The following BRD4 variants were observed in gnomAD, a reference collection of about 807,000 sequenced individuals.
The protein encoded by BRD4 is bromodomain containing 4.
A neutral mutation model predicts 142.1 loss-of-function variants in BRD4; 16 were observed. The observed-to-expected ratio is 0.11, with a 90% CI of 0.08 to 0.17. The LOEUF (loss-of-function observed/expected upper bound fraction) is 0.17. BRD4 is among the 10% of genes least tolerant of loss of function. The probability of loss-of-function intolerance (pLI) is 1.00; values close to 1 mark genes in which losing one functional copy is unlikely to be tolerated. For synonymous variants in BRD4, 833 were observed against 707.5 expected (o/e 1.18, Z -2.82); for missense variants, 1,424 against 1,810.9 (o/e 0.79, Z 3.88).
rs1446000173 is a variant in BRD4 at position 15,273,141 on chromosome 19, G to A, written c.-34-8C>T. ...CATTCTTCACCAGGCACTCTACAAA[G>A]GAAGAGAAGAGCCCCCGTGAGATAT... On this transcript the variant is annotated splice_region_variant and splice_polypyrimidine_tract_variant and intron_variant, in intron 1 of 19. Transcript: ENST00000679869. The A allele has an allele frequency of 6.5e-7, 1 of 1,540,908 alleles. No homozygotes were observed. Among genetic ancestry groups the A allele is most frequent in the East Asian group, 2.3e-5 (1 of 44,226 alleles).
intron 1 of BRD4, among the ~76,000 whole-genome samples, chr19:15,273,435 C>A (rs191349942): frequency 6.6e-6 from 1 of 152,336 alleles, no homozygotes; most frequent in East Asian, 1.9e-4. Context: ...GAAGGATGTA[C>A]AATGAAGCCA....
At chr19:15,311,600 G>A (rs1191569900) in intron 1 of BRD4, among the ~76,000 whole-genome samples, 4 of 151,672 alleles carry the variant, frequency 2.6e-5, no homozygotes, top group Non-Finnish European at 5.9e-5. Context: ...AGACCAACCT[G>A]GCCAACATGA....
intron 1 of BRD4, among the ~76,000 whole-genome samples, chr19:15,299,543 G>C (rs2047851103): frequency 6.6e-6 from 1 of 152,146 alleles, no homozygotes; most frequent in Non-Finnish European, 1.5e-5. Context: ...GCCAAGCCCA[G>C]CTAAGAAGCT....
chr19:15,259,670 G>A (rs1427648267), intron 7 of BRD4, among the ~76,000 whole-genome samples: 2 of 152,176 alleles, frequency 1.3e-5, no homozygotes, highest in Non-Finnish European at 2.9e-5. Flanking sequence ...AAACCCACAA[G>A]CCAGTGGGCC....
At chr19:15,268,752 G>C (rs1371337617) in intron 3 of BRD4, among the ~76,000 whole-genome samples, 153 bp downstream of exon 3, 1 of 151,894 alleles carries the variant, frequency 6.6e-6, no homozygotes, top group African/African-American at 2.4e-5. Flanking sequence ...ACAACCACAG[G>C]TCTCATTACC....
At position 15,272,968 on chromosome 19, in the gene BRD4, G is replaced by A. The variant is rs1374827173; in HGVS notation, c.132C>T (p.Asn44=). 13 of 1,614,072 alleles carry A rather than the reference G, an allele frequency of 8.1e-6. No homozygotes were observed. The highest frequency in any genetic ancestry group is 2.2e-5 in the East Asian group (1 of 44,898). The change falls in exon 2 of 20, where the codon AAC becomes AAT. Residue 44 remains asparagine, a synonymous_variant. Transcript: ENST00000679869. ...GGTTGGAGGTCTCTGGGGGCGGGGG[G>A]TTGGTGCTGGCTGCGTTGGCTGGCT... The part of the protein sequence containing the change: ...QPQPANAAST[N]PPPPETSNPN...
chr19:15,238,306 C>A lies in BRD4; in HGVS notation c.*71G>T, dbSNP rs964219012. 1 of 1,600,466 alleles carries A rather than the reference C, an allele frequency of 6.2e-7. No homozygotes were observed. Among genetic ancestry groups the A allele is most frequent in the African/African-American group, 1.3e-5 (1 of 74,636 alleles). ...CCCCTGGCCGCTGATCCCACCTCCA[C>A]CACCGCCCCTAACACTATGGAAAGT... On this transcript the variant is annotated 3_prime_UTR_variant, in exon 20 of 20. Coordinates refer to ENST00000679869, the MANE Select transcript of BRD4 (RefSeq NM_001379291.1). This position sits in a 1 kb window ranked among gnomAD's most constrained non-coding sequence, Gnocchi z 7.2.
chr19:15,267,622 T>G, intron 3 of BRD4, 71 bp from the exon 4 acceptor site: 1 of 1,506,124 alleles, frequency 6.6e-7, no homozygotes, highest in South Asian at 1.2e-5. Flanking sequence ...GGGCACCCCA[T>G]GCCACCCACC....
chr19:15,277,387 C>T (rs1323568310), intron 1 of BRD4, among the ~76,000 whole-genome samples: 3 of 152,166 alleles, frequency 2.0e-5, no homozygotes, highest in Non-Finnish European at 4.4e-5. Flanking sequence ...GATGGCATTG[C>T]AGGAACTATC....
intron 1 of BRD4, among the ~76,000 whole-genome samples, chr19:15,319,327 T>C (rs2048042231): frequency 1.3e-5 from 2 of 152,132 alleles, no homozygotes. Context: ...TAGCTGGGCA[T>C]GGTGGCTCAC....
intron 1 of BRD4, among the ~76,000 whole-genome samples, chr19:15,276,265 G>A (rs1375739951): frequency 1.3e-5 from 2 of 152,214 alleles, no homozygotes; most frequent in Non-Finnish European, 2.9e-5. Flanking sequence ...AGAAAGAGAG[G>A]TACAGTGAGA....
Position 15,239,003 on chromosome 19 carries a change from C to T in BRD4, c.3783-23G>A, listed in dbSNP as rs765476238. On this transcript the variant is annotated intron_variant, in intron 18 of 19. Coordinates refer to ENST00000679869, the MANE Select transcript of BRD4 (RefSeq NM_001379291.1). This position sits in a 1 kb window ranked among gnomAD's most constrained non-coding sequence, Gnocchi z 7.4. ...CTCCTGGGCAGAGGGTCCCAGTCAG[C>T]CTGGGGACTGGTGTGGCCCCAAGAG... The T allele has an allele frequency of 1.1e-5, 18 of 1,577,474 alleles. No homozygotes were observed. The highest frequency in any genetic ancestry group is 5.1e-5 in the Admixed American group (3 of 58,798).
At position 15,238,652 on chromosome 19, in the gene BRD4, GC is replaced by G; in HGVS notation, c.4020+90del. On this transcript the variant is annotated intron_variant, in intron 19 of 19. Transcript: ENST00000679869. This position sits in a 1 kb window ranked among gnomAD's most constrained non-coding sequence, Gnocchi z 7.2. ...CCAGCAGGGACGGGGCTCCCCCGCT[GC>G]CCCTCCCTGTCCAGGCTCCAGTCCC... The G allele has an allele frequency of 1.4e-6, 2 of 1,455,946 alleles. No homozygotes were observed. Among genetic ancestry groups the G allele is most frequent in the East Asian group, 2.5e-5 (1 of 40,204 alleles). 90.2% of individuals were successfully genotyped at this position (1,455,946 alleles called of 1,614,324 possible).
At chr19:15,311,840 A>G (rs2047973787) in intron 1 of BRD4, among the ~76,000 whole-genome samples, 1 of 152,072 alleles carries the variant, frequency 6.6e-6, no homozygotes, top group African/African-American at 2.4e-5. Flanking sequence ...AACAAAAAAT[A>G]CTGTCTGATT....
chr19:15,259,199 A>T (rs961474877), intron 7 of BRD4, among the ~76,000 whole-genome samples: 1 of 152,230 alleles, frequency 6.6e-6, no homozygotes, highest in African/African-American at 2.4e-5. Context: ...CCTGCTGCCA[A>T]GCAGCAGGAA....
intron 1 of BRD4, among the ~76,000 whole-genome samples, chr19:15,319,447 C>T (rs995582660): frequency 3.3e-5 from 5 of 151,786 alleles, no homozygotes; most frequent in South Asian, 2.1e-4. Context: ...AGTGAGACCT[C>T]GTACCAAAAA....
At chr19:15,262,895 C>CT (rs1385399720) in intron 7 of BRD4, among the ~76,000 whole-genome samples, 1 of 152,148 alleles carries the variant, frequency 6.6e-6, no homozygotes, top group African/African-American at 2.4e-5. Context: ...GTAACCTCCC[C>CT]TCCCCGCCCA....
At chr19:15,301,562 C>G (rs1306012042) in intron 1 of BRD4, among the ~76,000 whole-genome samples, 1 of 136,254 alleles carries the variant, frequency 7.3e-6, no homozygotes, top group African/African-American at 2.8e-5. Context: ...GACTACGTCT[C>G]AAAACAAAAA....
chr19:15,286,349 C>T (rs2079014), intron 1 of BRD4, among the ~76,000 whole-genome samples: 118,023 of 152,128 alleles, frequency 0.78, 46,447 homozygotes, highest in African/African-American at 0.92. Flanking sequence ...GCACAGAAGA[C>T]GAGAAAGAGA....
Sources: allele counts gnomAD v4.1 joint callset (sites outside exome capture counted in the v4.1 genomes callset), GRCh38; gene constraint gnomAD v4.1.1; non-coding constraint Gnocchi (gnomAD v3.1); transcripts MANE v1.5; gene names NCBI Gene and HGNC (gene_info 2026-07-23, HGNC 2026-07-21).